SHISA9: variants seen among roughly 807,000 people sequenced by gnomAD.
The protein encoded by SHISA9 is protein shisa-9.
In SHISA9, 13 loss-of-function variants were observed where a neutral mutation model predicts 38.0. The observed-to-expected ratio is 0.34, with a 90% CI of 0.22 to 0.54. The LOEUF is 0.54. SHISA9 is among the 20% of genes least tolerant of loss of function. The pLI, the probability that SHISA9 is intolerant of heterozygous loss-of-function variation, is 0.91. For missense variants in SHISA9, 538 were observed against 575.8 expected, an observed-to-expected ratio of 0.93 and a Z score of 0.67; for synonymous variants, 275 against 242.0, an observed-to-expected ratio of 1.14 and a Z score of -1.27.
At chr16:13,552,575 C>T in the SHISA9 span, among the ~76,000 whole-genome samples, 20 of 152,016 alleles carry the variant, frequency 1.3e-4, no homozygotes, top group Non-Finnish European at 2.5e-4. Context: ...ATCGCCATTT[C>T]GCAGTTGAGT....
intron 2 of SHISA9, among the ~76,000 whole-genome samples, chr16:12,983,949 G>A (rs894888572): frequency 5.3e-5 from 8 of 152,156 alleles, no homozygotes; most frequent in African/African-American, 1.9e-4. Flanking sequence ...TTGGTTGTTG[G>A]TTTTGGCTTC....
the SHISA9 span, among the ~76,000 whole-genome samples, chr16:13,343,165 A>T: frequency 3.3e-5 from 5 of 152,198 alleles, no homozygotes; most frequent in Non-Finnish European, 7.3e-5. Context: ...CTTACCGCTT[A>T]GTCAATAGAG....
the SHISA9 span, among the ~76,000 whole-genome samples, chr16:13,491,812 ATTGACCTTTTTTT>A: frequency 9.3e-5 from 1 of 10,788 alleles, no homozygotes; most frequent in Admixed American, 9.9e-4. Context: ...ATATTTATTT[ATTGACCTTTTTTT>A]TTTTTTTTTT....
intron 2 of SHISA9, among the ~76,000 whole-genome samples, chr16:13,021,565 T>C (rs1050734799): frequency 1.3e-5 from 2 of 152,256 alleles, no homozygotes; most frequent in South Asian, 4.2e-4. Flanking sequence ...AACAATCAGA[T>C]GAACAACATC....
At chr16:13,497,940 C>T in the SHISA9 span, among the ~76,000 whole-genome samples, 2 of 151,606 alleles carry the variant, frequency 1.3e-5, no homozygotes, top group African/African-American at 4.8e-5. Flanking sequence ...TGAATAAAAT[C>T]TTAAAATATT....
At chr16:13,528,610 C>T in the SHISA9 span, among the ~76,000 whole-genome samples, 1 of 152,192 alleles carries the variant, frequency 6.6e-6, no homozygotes, top group Admixed American at 6.5e-5. Context: ...AAAACTGGGG[C>T]TTTGGAGCCA....
chr16:13,491,569 C>T, the SHISA9 span, among the ~76,000 whole-genome samples: 2 of 151,902 alleles, frequency 1.3e-5, no homozygotes, highest in African/African-American at 4.8e-5. Flanking sequence ...GCTCCTACAA[C>T]CTCCACCTCT....
At chr16:13,133,123 C>T (rs1054615692) in intron 2 of SHISA9, among the ~76,000 whole-genome samples, 30 of 152,164 alleles carry the variant, frequency 2.0e-4, no homozygotes, top group African/African-American at 7.2e-4. Flanking sequence ...GAGGCCAAAA[C>T]GTAGACAAAT....
At chr16:12,988,993 C>T (rs533509932) in intron 2 of SHISA9, among the ~76,000 whole-genome samples, 10 of 152,236 alleles carry the variant, frequency 6.6e-5, no homozygotes, top group East Asian at 5.8e-4. Context: ...AATAAGCACA[C>T]GGTTATCTGT....
At chr16:13,457,968 C>CCTCCCTTCCTTCCTTCCTTT in the SHISA9 span, among the ~76,000 whole-genome samples, 3 of 150,352 alleles carry the variant, frequency 2.0e-5, no homozygotes, top group Non-Finnish European at 4.5e-5. Flanking sequence ...TTCCTTTCTT[C>CCTCCCTTCCTTCCTTCCTTT]CTCCCTTCCT....
At chr16:13,480,131 G>T in the SHISA9 span, among the ~76,000 whole-genome samples, 1 of 152,172 alleles carries the variant, frequency 6.6e-6, no homozygotes, top group Non-Finnish European at 1.5e-5. Context: ...TTTGCTTGGT[G>T]TGCGGTGTAG....
At chr16:13,480,520 T>C in the SHISA9 span, among the ~76,000 whole-genome samples, 21 of 152,174 alleles carry the variant, frequency 1.4e-4, no homozygotes, top group Non-Finnish European at 2.5e-4. Flanking sequence ...TCCTGGCACA[T>C]CTATCTCAGA....
At chr16:13,365,435 T>C in the SHISA9 span, among the ~76,000 whole-genome samples, 2 of 149,006 alleles carry the variant, frequency 1.3e-5, no homozygotes, top group Non-Finnish European at 1.5e-5. Context: ...CTCTTAACTC[T>C]CCTACAGAGA....
chr16:13,180,514 A>C (rs940037029), intron 2 of SHISA9, among the ~76,000 whole-genome samples: 14 of 152,326 alleles, frequency 9.2e-5, no homozygotes, highest in African/African-American at 3.4e-4. Flanking sequence ...CCTGAGCCAC[A>C]CAGTGAGACC....
intron 2 of SHISA9, among the ~76,000 whole-genome samples, chr16:13,135,242 C>T (rs1405619339): frequency 6.6e-6 from 1 of 152,196 alleles, no homozygotes; most frequent in African/African-American, 2.4e-5. Context: ...AGGTATGAAA[C>T]TGTCACACAT....
At chr16:13,309,642 CAA>C in the SHISA9 span, among the ~76,000 whole-genome samples, 26 of 65,852 alleles carry the variant, frequency 3.9e-4, no homozygotes, top group Middle Eastern at 7.5e-3. Context: ...GACTCAGTCT[CAA>C]AAAAAAAAAA....
intron 2 of SHISA9, among the ~76,000 whole-genome samples, chr16:12,921,754 A>G (rs2071331613): frequency 6.6e-6 from 1 of 152,184 alleles, no homozygotes; most frequent in Non-Finnish European, 1.5e-5. Flanking sequence ...TGACAGAATG[A>G]AACTCTGTCT....
intron 4 of SHISA9, among the ~76,000 whole-genome samples, chr16:13,215,161 T>C (rs34522947): frequency 0.12 from 17,488 of 151,942 alleles, 1,090 homozygotes; most frequent in Middle Eastern, 0.19. Flanking sequence ...GGGGGAGGGA[T>C]CATGAGACCA....
the SHISA9 span, among the ~76,000 whole-genome samples, chr16:13,260,921 G>A: frequency 4.6e-5 from 7 of 152,170 alleles, no homozygotes; most frequent in South Asian, 2.1e-4. Context: ...CAGAATCATG[G>A]CAGGAGGCGA....
Sources: gnomAD v4.1 joint callset for allele counts (sites outside exome capture counted in the v4.1 genomes callset) on GRCh38, gnomAD v4.1.1 for gene constraint, MANE v1.5 for transcripts, NCBI Gene and HGNC (gene_info 2026-07-23, HGNC 2026-07-21) for gene names.